KCNJ6: variants seen among roughly 807,000 people sequenced by gnomAD.
KCNJ6 encodes potassium inwardly rectifying channel subfamily J member 6.
KCNJ6 carries 9 observed loss-of-function variants against 34.2 expected under a neutral mutation model. That is an observed-to-expected ratio of 0.26 (90% CI 0.16 to 0.46). The LOEUF is 0.46. Ranked by LOEUF, KCNJ6 falls within the 20% of genes least tolerant of loss-of-function variation. KCNJ6 has a pLI of 1.00. For missense variants in KCNJ6, 236 were observed against 531.3 expected (o/e 0.44, Z 5.46); for synonymous variants, 196 against 207.1 (o/e 0.95, Z 0.46).
chr21:37,639,855 C>T (rs185484782), intron 3 of KCNJ6, among the ~76,000 whole-genome samples: 1 of 152,342 alleles, frequency 6.6e-6, no homozygotes, highest in Non-Finnish European at 1.5e-5. Flanking sequence ...CTGACTCTCT[C>T]TCTCTTCCTC....
At chr21:37,838,152 G>A (rs73206100) in intron 2 of KCNJ6, among the ~76,000 whole-genome samples, 11,666 of 152,064 alleles carry the variant, frequency 0.077, 497 homozygotes, top group Middle Eastern at 0.11. Flanking sequence ...CCAAGGATTC[G>A]GAATTCAACT....
intron 2 of KCNJ6, among the ~76,000 whole-genome samples, chr21:37,810,284 C>T (rs1271271768): frequency 2.0e-5 from 3 of 152,122 alleles, no homozygotes; most frequent in Non-Finnish European, 4.4e-5. Flanking sequence ...AATGATTATA[C>T]CATAATTAAA....
chr21:37,692,326 T>A (rs929832463), intron 3 of KCNJ6, among the ~76,000 whole-genome samples: 1 of 149,226 alleles, frequency 6.7e-6, no homozygotes, highest in African/African-American at 2.5e-5. Context: ...AGGCAATGCA[T>A]TTTTTTTTTC....
intron 2 of KCNJ6, among the ~76,000 whole-genome samples, chr21:37,757,639 C>A (rs369557187): frequency 6.9e-6 from 1 of 144,694 alleles, no homozygotes; most frequent in Non-Finnish European, 1.5e-5. Context: ...GATTCCAGCC[C>A]GGAGTGAGCT....
intron 2 of KCNJ6, among the ~76,000 whole-genome samples, chr21:37,803,366 T>C (rs2055278688): frequency 6.6e-6 from 1 of 152,176 alleles, no homozygotes; most frequent in Admixed American, 6.5e-5. Flanking sequence ...GATCTTGAAA[T>C]GTACTTAGTA....
chr21:37,657,644 G>A (rs2835878), intron 3 of KCNJ6, among the ~76,000 whole-genome samples: 21,209 of 152,152 alleles, frequency 0.14, 2,223 homozygotes, highest in African/African-American at 0.29. Flanking sequence ...TTGGGTGCCT[G>A]TAACAAACCA....
At chr21:37,856,429 T>A (rs999848521) in intron 1 of KCNJ6, among the ~76,000 whole-genome samples, 1 of 152,212 alleles carries the variant, frequency 6.6e-6, no homozygotes, top group East Asian at 1.9e-4. Flanking sequence ...GCTTCCGGCC[T>A]TAGTCAGAGC....
chr21:37,738,960 G>T (rs1432079699), intron 2 of KCNJ6, among the ~76,000 whole-genome samples: 2 of 152,188 alleles, frequency 1.3e-5, no homozygotes, highest in African/African-American at 4.8e-5. Context: ...AGTAACTTCG[G>T]CAGAGAGAAT....
intron 2 of KCNJ6, among the ~76,000 whole-genome samples, chr21:37,809,392 G>A (rs971380222): frequency 2.6e-4 from 39 of 152,052 alleles, no homozygotes; most frequent in Non-Finnish European, 3.8e-4. Flanking sequence ...GGGAGAGGGG[G>A]GAGGGATAGC....
At chr21:37,762,784 G>A (rs2055072259) in intron 2 of KCNJ6, among the ~76,000 whole-genome samples, 1 of 152,174 alleles carries the variant, frequency 6.6e-6, no homozygotes, top group Non-Finnish European at 1.5e-5. Context: ...CCCCTGGGGA[G>A]GTTTTAAAGA....
chr21:37,643,787 G>T lies in KCNJ6; in HGVS notation c.947-18303C>A, dbSNP rs531883612. Among the ~76,000 whole-genome samples, 7 of 152,286 alleles carry T rather than the reference G, an allele frequency of 4.6e-5. No individual in the cohort carries two copies. The East Asian group carries it at 5.8e-4, about 13-fold the overall frequency. ...CAGGAAGGTGAAAGTGAATAGAAAG[G>T]TCTCCTGAAGGCAGAGGGTTACTAG... is the stretch of plus-strand genomic sequence containing the variant. On this transcript the variant is annotated intron_variant, in intron 3 of 3. Transcript: ENST00000609713.
At chr21:37,732,689 T>C (rs988325694) in intron 2 of KCNJ6, among the ~76,000 whole-genome samples, 1 of 152,166 alleles carries the variant, frequency 6.6e-6, no homozygotes, top group Admixed American at 6.5e-5. Context: ...TAGCCGGAGT[T>C]CCAATTTTAG....
intron 1 of KCNJ6, among the ~76,000 whole-genome samples, chr21:37,891,893 G>T (rs2055763969): frequency 6.6e-6 from 1 of 152,068 alleles, no homozygotes; most frequent in Admixed American, 6.5e-5. Flanking sequence ...GGTGTGGGTT[G>T]ATGGTCTCAA....
At chr21:37,795,759 C>CAAA (rs1555845108) in intron 2 of KCNJ6, among the ~76,000 whole-genome samples, 2,053 of 148,748 alleles carry the variant, frequency 0.014, 43 homozygotes, top group African/African-American at 0.042. Flanking sequence ...AAAAAAAAAC[C>CAAA]CTGCCACATA....
intron 2 of KCNJ6, among the ~76,000 whole-genome samples, chr21:37,722,453 T>C (rs531122340): frequency 1.3e-5 from 2 of 152,354 alleles, no homozygotes; most frequent in South Asian, 2.1e-4. Context: ...AAAATTCATA[T>C]GGAACCAAAA....
intron 2 of KCNJ6, among the ~76,000 whole-genome samples, chr21:37,796,013 GA>G (rs2055239844): frequency 6.6e-6 from 1 of 152,120 alleles, no homozygotes; most frequent in African/African-American, 2.4e-5. Context: ...TTGAGATGTA[GA>G]AGAATAATCC....
At chr21:37,690,087 AAAATTGTTTGATTG>A (rs56126681) in intron 3 of KCNJ6, among the ~76,000 whole-genome samples, 148,672 of 152,134 alleles carry the variant, frequency 0.98, 72,683 homozygotes, top group East Asian at 1. Context: ...TTATGCAATT[AAAATTGTTTGATTG>A]AAATTGTTTG....
chr21:37,836,823 G>C (rs1471815435), intron 2 of KCNJ6, among the ~76,000 whole-genome samples: 10 of 152,102 alleles, frequency 6.6e-5, no homozygotes, highest in Non-Finnish European at 1.3e-4. Context: ...AACCACCATG[G>C]CATGTGTATA....
At chr21:37,776,272 A>G (rs1156825945) in intron 2 of KCNJ6, among the ~76,000 whole-genome samples, 4 of 152,212 alleles carry the variant, frequency 2.6e-5, no homozygotes, top group Admixed American at 6.5e-5. Context: ...TTTTCTAGAT[A>G]TACAATCATG....
Sources: gnomAD v4.1 joint callset for allele counts (sites outside exome capture counted in the v4.1 genomes callset) on GRCh38, gnomAD v4.1.1 for gene constraint, MANE v1.5 for transcripts, NCBI Gene and HGNC (gene_info 2026-07-23, HGNC 2026-07-21) for gene names.